The following PHF21B variants were observed in gnomAD, a reference collection of about 807,000 sequenced individuals.
PHF21B encodes PHD finger protein 4.
In PHF21B, 22 loss-of-function variants were observed where a neutral mutation model predicts 62.2. That is an observed-to-expected ratio of 0.35 (90% confidence interval 0.25 to 0.51). The LOEUF (loss-of-function observed/expected upper bound fraction) is 0.51. PHF21B is among the 20% of genes least tolerant of loss of function. The pLI, the probability that PHF21B is intolerant of heterozygous loss-of-function variation, is 0.97. For synonymous variants in PHF21B, 341 were observed against 314.7 expected, an observed-to-expected ratio of 1.08 and a Z score of -0.88; for missense variants, 701 against 707.9, an observed-to-expected ratio of 0.99 and a Z score of 0.11.
At position 45,009,668 on chromosome 22, in the gene PHF21B, G is replaced by C; in HGVS notation, c.-119C>G. ...GCGGCCTCCGGGCTGGGTTGGGGGG[G>C]ACACGAGCCCCCTCCCCCACGGCCG... is the stretch of plus-strand genomic sequence containing the variant. On this transcript the variant is annotated 5_prime_UTR_variant, in exon 1 of 13. Coordinates refer to ENST00000313237, the MANE Select transcript of PHF21B (RefSeq NM_138415.5). This position sits in a 1 kb window ranked among gnomAD's most constrained non-coding sequence, Gnocchi z 5.9. The C allele has an allele frequency of 7.6e-6, 7 of 916,118 alleles. No homozygotes were observed. The highest frequency in any genetic ancestry group is 3.4e-5 in the East Asian group (1 of 29,840). 56.7% of individuals were successfully genotyped at this position (916,118 alleles called of 1,614,324 possible). A position where few individuals can be genotyped will look rare whatever the true frequency, so the allele number is the denominator to read the frequency against.
At chr22:44,969,189 C>T (rs1244097268) in intron 2 of PHF21B, 1 of 152,282 alleles carries the variant, frequency 6.6e-6, no homozygotes, top group Non-Finnish European at 1.5e-5. Context: ...CTGCTGGCAT[C>T]AGTTTGCAGG....
chr22:44,925,252 T>C (rs1451645166), intron 2 of PHF21B, among the ~76,000 whole-genome samples: 4 of 152,216 alleles, frequency 2.6e-5, no homozygotes, highest in African/African-American at 4.8e-5. Flanking sequence ...CAAACTTATA[T>C]TGTACATTCT....
chr22:44,971,967 C>G (rs1017455589), intron 2 of PHF21B, among the ~76,000 whole-genome samples: 9 of 152,214 alleles, frequency 5.9e-5, no homozygotes, highest in Admixed American at 6.5e-5. Context: ...CAACTCCTAT[C>G]CCTGGGTTGC....
chr22:44,994,773 A>G (rs1482941919), intron 2 of PHF21B, among the ~76,000 whole-genome samples: 3 of 152,024 alleles, frequency 2.0e-5, no homozygotes, highest in Non-Finnish European at 4.4e-5. Context: ...ACCCCCACTT[A>G]CATACAGGCT....
chr22:44,930,066 C>T (rs1426406854), intron 2 of PHF21B, among the ~76,000 whole-genome samples: 4 of 152,282 alleles, frequency 2.6e-5, no homozygotes, highest in Admixed American at 6.5e-5. Flanking sequence ...CAGACTTGCC[C>T]GGGTCACCAA....
chr22:45,002,808 CCTCT>C (rs1281015686), intron 2 of PHF21B: 2 of 152,556 alleles, frequency 1.3e-5, no homozygotes, highest in East Asian at 3.9e-4. Flanking sequence ...CCTTCTCTGC[CCTCT>C]CTCTCCTCCT....
At chr22:44,952,258 G>C (rs986576456) in intron 2 of PHF21B, among the ~76,000 whole-genome samples, 1 of 152,168 alleles carries the variant, frequency 6.6e-6, no homozygotes, top group Non-Finnish European at 1.5e-5. Context: ...CAGGAGAATC[G>C]CTTGAACTCG....
chr22:44,975,942 C>T (rs183216363), intron 2 of PHF21B, among the ~76,000 whole-genome samples: 4 of 152,346 alleles, frequency 2.6e-5, no homozygotes, highest in Non-Finnish European at 5.9e-5. Context: ...CCAAGGCAGA[C>T]GGATTGCTTG....
At chr22:44,956,331 GC>G (rs1436016276) in intron 2 of PHF21B, among the ~76,000 whole-genome samples, 1 of 152,190 alleles carries the variant, frequency 6.6e-6, no homozygotes, top group African/African-American at 2.4e-5. Flanking sequence ...CGACCCAGGG[GC>G]CCGAGAATCA....
chr22:44,886,823 G>A (rs2070867912), intron 10 of PHF21B, among the ~76,000 whole-genome samples: 1 of 152,156 alleles, frequency 6.6e-6, no homozygotes, highest in African/African-American at 2.4e-5. Context: ...CAGGGATGAT[G>A]GGAACTCCCA....
Position 44,895,147 on chromosome 22 carries a change from G to A in PHF21B, c.883+885C>T, listed in dbSNP as rs113148469. Among the ~76,000 whole-genome samples the A allele has an allele frequency of 4.9e-3, 748 of 152,262 alleles. 5 individuals are homozygous for A. The highest frequency in any genetic ancestry group is 0.017 in the African/African-American group (715 of 41,516). On this transcript the variant is annotated intron_variant, in intron 6 of 12. Coordinates refer to ENST00000313237, the MANE Select transcript of PHF21B (RefSeq NM_138415.5). ...GGTGGGTGTGGTGGAATACGTTCTG[G>A]GTTGGGAGTCAGGAGGCCTGGATTC...
Position 44,881,459 on chromosome 22 carries a change from A to G in PHF21B, c.*1627T>C, listed in dbSNP as rs2070740680. 6.5e-6 allele frequency: 1 copy of G among 152,704 alleles called. No homozygotes were observed. Among genetic ancestry groups the G allele is most frequent in the African/African-American group, 2.4e-5 (1 of 41,470 alleles). The allele number at this position is 152,704 out of a possible 1,614,324, so 9.5% of individuals were successfully genotyped here. A position where few individuals can be genotyped will look rare whatever the true frequency, so the allele number is the denominator to read the frequency against. On this transcript the variant is annotated 3_prime_UTR_variant, in exon 13 of 13. Transcript: ENST00000313237. ...CCACGCGGTAATGCATACTTGGCACAGAGTAGCCAATATAGAAGACGTGTG... is the reference window on the plus strand; with the variant it reads ...CCACGCGGTAATGCATACTTGGCACGGAGTAGCCAATATAGAAGACGTGTG...
intron 2 of PHF21B, among the ~76,000 whole-genome samples, chr22:45,005,097 C>T (rs2073291426): frequency 6.6e-6 from 1 of 152,254 alleles, no homozygotes; most frequent in African/African-American, 2.4e-5. Flanking sequence ...CCAGTATTTA[C>T]GCTGGGTCTT....
chr22:44,977,197 G>A (rs2072752889), intron 2 of PHF21B, among the ~76,000 whole-genome samples: 1 of 152,046 alleles, frequency 6.6e-6, no homozygotes, highest in African/African-American at 2.4e-5. Context: ...ACTCGCTACA[G>A]GTAACTACTA....
intron 12 of PHF21B, 130 bp downstream of exon 12, chr22:44,885,295 TG>T (rs1361390326): frequency 2.5e-6 from 2 of 795,438 alleles, no homozygotes; most frequent in Non-Finnish European, 3.8e-6. Context: ...CACCAGGCCC[TG>T]GCTCCTTCCT....
chr22:44,930,884 G>A (rs147996648), intron 2 of PHF21B, among the ~76,000 whole-genome samples: 162 of 152,332 alleles, frequency 1.1e-3, no homozygotes, highest in African/African-American at 3.5e-3. Context: ...ACAGCTGTCC[G>A]GGGCCTGCAG....
intron 2 of PHF21B, among the ~76,000 whole-genome samples, chr22:44,927,511 C>G (rs528097894): frequency 6.6e-6 from 1 of 152,150 alleles, no homozygotes; most frequent in African/African-American, 2.4e-5. Context: ...CTGCTGCAAA[C>G]AGGGCTGCCT....
intron 2 of PHF21B, among the ~76,000 whole-genome samples, chr22:44,939,295 G>T (rs749397052): frequency 1.3e-5 from 2 of 152,228 alleles, no homozygotes; most frequent in Non-Finnish European, 2.9e-5. Flanking sequence ...CCAGGGTGCA[G>T]TTAGGTAAGT....
chr22:44,883,278 C>T lies in PHF21B; in HGVS notation c.1404G>A (p.Leu468=). 1 of 1,613,824 alleles carries T rather than the reference C, an allele frequency of 6.2e-7. No homozygotes were observed. The highest frequency in any genetic ancestry group is 2.2e-5 in the East Asian group (1 of 44,878). Residue 468 remains leucine, a synonymous_variant, in exon 13 of 13, where the codon CTG becomes CTA. Coordinates refer to ENST00000313237, the MANE Select transcript of PHF21B (RefSeq NM_138415.5). ...VQKCLELKTS[L]LARQRGTQSS... is the part of the protein sequence containing the mutation. The stretch of plus-strand genomic sequence containing the variant: ...ACTGGGTGCCCCTCTGGCGGGCCAG[C>T]AGGCTTGTCTTCAACTCCAGGCATT...
Sources: allele counts gnomAD v4.1 joint callset (sites outside exome capture counted in the v4.1 genomes callset), GRCh38; gene constraint gnomAD v4.1.1; non-coding constraint Gnocchi (gnomAD v3.1); transcripts MANE v1.5; gene names NCBI Gene and HGNC (gene_info 2026-07-23, HGNC 2026-07-21).